Variants in NT5DC1 observed in about 807,000 individuals in gnomAD.
The protein encoded by NT5DC1 is 5'-nucleotidase domain-containing protein 1.
NT5DC1 carries 42 observed loss-of-function variants against 59.4 expected under a neutral mutation model. The observed-to-expected ratio is 0.71, with a 90% confidence interval of 0.55 to 0.92. The LOEUF (loss-of-function observed/expected upper bound fraction) is 0.92, where lower values mean the gene tolerates loss of function less well. Ranked by LOEUF, NT5DC1 falls within the 40% of genes least tolerant of loss-of-function variation. The pLI, the probability that NT5DC1 is intolerant of heterozygous loss-of-function variation, is 0.00. For missense variants in NT5DC1, 501 were observed against 537.1 expected (o/e 0.93, Z 0.66); for synonymous variants, 172 against 188.1 (o/e 0.91, Z 0.70).
chr6:116,166,836 G>A (rs1480218971), intron 6 of NT5DC1, among the ~76,000 whole-genome samples: 3 of 152,074 alleles, frequency 2.0e-5, no homozygotes, highest in African/African-American at 7.2e-5. Context: ...ATTTAAAGAC[G>A]AAAGGACTGA....
rs1779125856 is a variant in NT5DC1, at chr6:116,121,501, T to C, written c.529+3556T>C. ...ATGGTCCTGTGGGACCCTGAGGGCC[T>C]GGAAGACCCCTCTCACCTGGACGAC... On this transcript the variant is annotated intron_variant, in intron 6 of 11. Transcript: ENST00000319550. The C allele has an allele frequency of 1.2e-6, 2 of 1,614,020 alleles. No homozygotes were observed. Among genetic ancestry groups the C allele is most frequent in the Admixed American group, 3.3e-5 (2 of 60,002 alleles).
At chr6:116,231,734 A>T (rs960293612) in intron 8 of NT5DC1, among the ~76,000 whole-genome samples, 2 of 152,230 alleles carry the variant, frequency 1.3e-5, no homozygotes, top group African/African-American at 4.8e-5. Flanking sequence ...CCACATGTCT[A>T]TCTATAGAGG....
chr6:116,234,955 A>T (rs1165404133), intron 8 of NT5DC1, among the ~76,000 whole-genome samples: 2 of 151,690 alleles, frequency 1.3e-5, no homozygotes, highest in Non-Finnish European at 2.9e-5. Context: ...TCCTTAAGGC[A>T]GCCTCCAGTA....
chr6:116,207,002 C>T (rs1002000232), intron 6 of NT5DC1, among the ~76,000 whole-genome samples: 1 of 150,998 alleles, frequency 6.6e-6, no homozygotes, highest in African/African-American at 2.5e-5. Context: ...GACATCTTTC[C>T]TTTTAAAAAT....
chr6:116,237,557 A>G, intron 9 of NT5DC1: 1 of 456,632 alleles, frequency 2.2e-6, no homozygotes, highest in Admixed American at 2.3e-5. Context: ...GGGACTCCTG[A>G]GGGTTAATGG....
intron 6 of NT5DC1, among the ~76,000 whole-genome samples, chr6:116,206,712 T>A (rs1304830129): frequency 6.6e-6 from 1 of 152,030 alleles, no homozygotes; most frequent in Non-Finnish European, 1.5e-5. Context: ...GACATTTAGA[T>A]AAAGTTCCTT....
At chr6:116,114,512 A>T (rs993107208) in intron 4 of NT5DC1, among the ~76,000 whole-genome samples, 2 of 117,350 alleles carry the variant, frequency 1.7e-5, no homozygotes, top group African/African-American at 3.4e-5. Context: ...ATAACCTCAT[A>T]TACATAGCTT....
intron 6 of NT5DC1, among the ~76,000 whole-genome samples, chr6:116,153,777 T>C (rs1158180617): frequency 6.6e-6 from 1 of 152,164 alleles, no homozygotes; most frequent in African/African-American, 2.4e-5. Flanking sequence ...TGCAATGATA[T>C]GAATAGTCTT....
chr6:116,109,377 G>C (rs1778821112), intron 3 of NT5DC1, among the ~76,000 whole-genome samples: 1 of 152,194 alleles, frequency 6.6e-6, no homozygotes, highest in South Asian at 2.1e-4. Context: ...CAGGCATTGA[G>C]AGATAGGGTA....
intron 6 of NT5DC1, among the ~76,000 whole-genome samples, chr6:116,191,600 A>G (rs973401933): frequency 5.9e-5 from 9 of 152,092 alleles, no homozygotes; most frequent in African/African-American, 2.2e-4. Context: ...GGTACGTGAT[A>G]CCACCAATTA....
At chr6:116,108,653 A>G (rs1287434633) in intron 3 of NT5DC1, among the ~76,000 whole-genome samples, 2 of 152,228 alleles carry the variant, frequency 1.3e-5, no homozygotes, top group East Asian at 1.9e-4. Context: ...AGTTTACATC[A>G]TTAGAAATAT....
intron 4 of NT5DC1, among the ~76,000 whole-genome samples, chr6:116,112,587 A>G (rs1236820984): frequency 6.6e-6 from 1 of 152,176 alleles, no homozygotes; most frequent in Admixed American, 6.5e-5. Context: ...CACTAGGTAC[A>G]CTTAGTTCTT....
At chr6:116,199,155 G>A (rs1254730216) in intron 6 of NT5DC1, among the ~76,000 whole-genome samples, 4 of 152,028 alleles carry the variant, frequency 2.6e-5, no homozygotes, top group South Asian at 2.1e-4. Flanking sequence ...AAGCCGTAAT[G>A]TATAAAAATA....
At chr6:116,110,818 A>C (rs1198838177) in intron 3 of NT5DC1, 32 bp from the exon 4 acceptor site, 10 of 1,446,992 alleles carry the variant, frequency 6.9e-6, no homozygotes, top group Non-Finnish European at 9.7e-6. Flanking sequence ...AGGAACCATT[A>C]ATGAGCAATG....
chr6:116,243,501 A>G (rs1262605355), intron 11 of NT5DC1, among the ~76,000 whole-genome samples: 1 of 152,246 alleles, frequency 6.6e-6, no homozygotes, highest in Non-Finnish European at 1.5e-5. Flanking sequence ...TTTCTGTAAT[A>G]TGGGAGAAAG....
intron 11 of NT5DC1, among the ~76,000 whole-genome samples, chr6:116,242,991 G>A (rs112805259): frequency 2.9e-4 from 44 of 152,198 alleles, no homozygotes; most frequent in African/African-American, 9.9e-4. Context: ...TCCTCTCTCC[G>A]CTGGTTCCTC....
intron 6 of NT5DC1, among the ~76,000 whole-genome samples, chr6:116,135,834 GATATATATATATAT>G (rs199827970): frequency 0.033 from 3,390 of 102,336 alleles, 156 homozygotes; most frequent in African/African-American, 0.12. Context: ...TATATTTTCA[GATATATATATATAT>G]ATATATATAT....
chr6:116,209,576 C>T (rs990395365), intron 6 of NT5DC1, among the ~76,000 whole-genome samples: 7 of 151,846 alleles, frequency 4.6e-5, no homozygotes, highest in Non-Finnish European at 8.8e-5. Context: ...GGGGAGGGCT[C>T]CTCATAGAAG....
chr6:116,148,170 AACTAGT>A (rs1198592514), intron 6 of NT5DC1, among the ~76,000 whole-genome samples: 1 of 152,164 alleles, frequency 6.6e-6, no homozygotes, highest in East Asian at 1.9e-4. Context: ...AGGATAGACA[AACTAGT>A]AATAGTGCTT....
Sources: allele counts gnomAD v4.1 joint callset (sites outside exome capture counted in the v4.1 genomes callset), GRCh38; gene constraint gnomAD v4.1.1; transcripts MANE v1.5; gene names NCBI Gene and HGNC (gene_info 2026-07-23, HGNC 2026-07-21).